PCDH9: variants seen among roughly 807,000 people sequenced by gnomAD.
The protein encoded by PCDH9 is protocadherin-9.
Under a neutral mutation model 70.6 loss-of-function variants are expected in PCDH9, and 24 were observed. The observed-to-expected ratio is 0.34, with a 90% CI of 0.25 to 0.48. The LOEUF is 0.48. Among genes scored for constraint, PCDH9 ranks in the 20% least tolerant of loss-of-function variants. PCDH9 has a pLI of 0.99. For synonymous variants in PCDH9, 562 were observed against 558.5 expected, an observed-to-expected ratio of 1.01 and a Z score of -0.09; for missense variants, 1,281 against 1,503.6, an observed-to-expected ratio of 0.85 and a Z score of 2.45.
intron 3 of PCDH9, among the ~76,000 whole-genome samples, chr13:66,802,578 T>C (rs2080344317): frequency 6.6e-6 from 1 of 152,100 alleles, no homozygotes; most frequent in Non-Finnish European, 1.5e-5. Context: ...TTATTTAATC[T>C]GATATAAAAA....
chr13:67,136,488 G>A (rs2087235623), intron 2 of PCDH9, among the ~76,000 whole-genome samples: 1 of 152,054 alleles, frequency 6.6e-6, no homozygotes, highest in African/African-American at 2.4e-5. Flanking sequence ...ACCTGCAGGT[G>A]GTCCTTTGAG....
intron 4 of PCDH9, among the ~76,000 whole-genome samples, chr13:66,395,535 G>A (rs1318959191): frequency 6.6e-6 from 1 of 151,996 alleles, no homozygotes; most frequent in African/African-American, 2.4e-5. Flanking sequence ...GGGAGGCAGA[G>A]GTGGCAGTGA....
chr13:66,941,797 C>G (rs966070381), intron 2 of PCDH9, among the ~76,000 whole-genome samples: 2 of 151,770 alleles, frequency 1.3e-5, no homozygotes, highest in Non-Finnish European at 3.0e-5. Context: ...GTATGGAAGA[C>G]TTTAGCAACA....
intron 2 of PCDH9, among the ~76,000 whole-genome samples, chr13:66,961,190 C>T (rs2083339823): frequency 6.6e-6 from 1 of 152,176 alleles, no homozygotes; most frequent in African/African-American, 2.4e-5. Context: ...CAATACTCCA[C>T]TGGTGTTTCA....
rs1315529172 is a variant in PCDH9 at position 66,762,392 on chromosome 13, G to T, written c.3139-130981C>A. The stretch of plus-strand genomic sequence containing the variant: ...CTGAATTCAGAGTCCATAGGTGTCT[G>T]CCTGGTGCTAGGTTTTACTGTGGTG... On this transcript the variant is annotated intron_variant, in intron 3 of 4. Coordinates refer to ENST00000377865, the MANE Select transcript of PCDH9 (RefSeq NM_203487.3). Among the ~76,000 whole-genome samples the T allele has an allele frequency of 5.3e-5, 8 of 152,016 alleles. 1 individual carries two copies. The highest frequency in any genetic ancestry group is 1.2e-4 in the African/African-American group (5 of 41,350).
chr13:66,820,285 C>T (rs956806909), intron 3 of PCDH9, among the ~76,000 whole-genome samples: 8 of 152,086 alleles, frequency 5.3e-5, no homozygotes, highest in Non-Finnish European at 1.0e-4. Context: ...TTTGGTTTAA[C>T]TTATTATTTC....
intron 3 of PCDH9, among the ~76,000 whole-genome samples, chr13:66,850,743 C>A (rs150726207): frequency 3.9e-5 from 6 of 152,230 alleles, no homozygotes; most frequent in Non-Finnish European, 7.4e-5. Context: ...GCAATGACTG[C>A]AAATTCTGAC....
intron 3 of PCDH9, among the ~76,000 whole-genome samples, chr13:66,830,504 T>C (rs1594117680): frequency 2.0e-5 from 3 of 152,200 alleles, no homozygotes; most frequent in African/African-American, 7.2e-5. Context: ...TGCATATGCT[T>C]ACGTACTGGG....
At chr13:66,593,500 G>T (rs1223295801) in intron 4 of PCDH9, among the ~76,000 whole-genome samples, 1 of 151,610 alleles carries the variant, frequency 6.6e-6, no homozygotes, top group Non-Finnish European at 1.5e-5. Context: ...AAGTGATGTT[G>T]CTTTATGACT....
rs536933702 is a variant in PCDH9 at position 66,521,807 on chromosome 13, T to A, written c.3340+109403A>T. 5.3e-5 allele frequency among the ~76,000 whole-genome samples: 8 copies of A among 152,168 alleles called. No homozygotes were observed. The East Asian group carries it at 7.7e-4, about 15-fold the overall frequency. On this transcript the variant is annotated intron_variant, in intron 4 of 4. Coordinates refer to ENST00000377865, the MANE Select transcript of PCDH9 (RefSeq NM_203487.3). Reference sequence around the variant, plus strand: ...AAAAACGATATTTAGGGATTCTTAATCTGGGTCTCTCTAACCTTAGTATAT... The same window carrying A: ...AAAAACGATATTTAGGGATTCTTAAACTGGGTCTCTCTAACCTTAGTATAT...
intron 3 of PCDH9, among the ~76,000 whole-genome samples, chr13:66,848,175 CCCT>C (rs2081246207): frequency 6.6e-6 from 1 of 151,950 alleles, no homozygotes; most frequent in African/African-American, 2.4e-5. Context: ...GAATGATTTC[CCCT>C]CCTATTTTGC....
At chr13:67,059,026 T>TA (rs1251025578) in intron 2 of PCDH9, among the ~76,000 whole-genome samples, 1 of 152,010 alleles carries the variant, frequency 6.6e-6, no homozygotes, top group Non-Finnish European at 1.5e-5. Context: ...TTCCTCTTCT[T>TA]ACATAGCTGT....
At chr13:66,932,375 T>C (rs1037728452) in intron 2 of PCDH9, among the ~76,000 whole-genome samples, 2 of 152,140 alleles carry the variant, frequency 1.3e-5, no homozygotes, top group Non-Finnish European at 2.9e-5. Context: ...GAGTCCTCCA[T>C]AATTCTTTAA....
At chr13:66,446,800 A>G (rs1248878835) in intron 4 of PCDH9, among the ~76,000 whole-genome samples, 2 of 152,240 alleles carry the variant, frequency 1.3e-5, no homozygotes, top group Admixed American at 1.3e-4. Flanking sequence ...TAAAAAAAAT[A>G]GAATTTCTTA....
intron 3 of PCDH9, among the ~76,000 whole-genome samples, chr13:66,827,731 T>G (rs945420694): frequency 6.6e-6 from 1 of 151,878 alleles, no homozygotes; most frequent in African/African-American, 2.4e-5. Context: ...AAAATCAGAG[T>G]TCATATTTTG....
chr13:67,051,793 A>G (rs77197547), intron 2 of PCDH9, among the ~76,000 whole-genome samples: 16,507 of 152,142 alleles, frequency 0.11, 984 homozygotes, highest in Middle Eastern at 0.16. Flanking sequence ...TCTTCCTTAT[A>G]TATATTAAGC....
chr13:66,818,785 T>C (rs1436972821), intron 3 of PCDH9, among the ~76,000 whole-genome samples: 1 of 151,824 alleles, frequency 6.6e-6, no homozygotes, highest in African/African-American at 2.4e-5. Flanking sequence ...ATACAAAAAA[T>C]TAGCCGGGCG....
intron 4 of PCDH9, among the ~76,000 whole-genome samples, chr13:66,320,967 G>A (rs556178239): frequency 1.1e-4 from 17 of 151,946 alleles, no homozygotes; most frequent in Non-Finnish European, 2.2e-4. Context: ...AGTGTTTTTC[G>A]CTAAATCTAA....
At chr13:66,847,652 A>G (rs2081235526) in intron 3 of PCDH9, among the ~76,000 whole-genome samples, 1 of 152,172 alleles carries the variant, frequency 6.6e-6, no homozygotes, top group Non-Finnish European at 1.5e-5. Context: ...TCTTTTCGAC[A>G]TATCTGAAGT....
Sources: gnomAD v4.1 joint callset for allele counts (sites outside exome capture counted in the v4.1 genomes callset) on GRCh38, gnomAD v4.1.1 for gene constraint, MANE v1.5 for transcripts, NCBI Gene and HGNC (gene_info 2026-07-23, HGNC 2026-07-21) for gene names.